The following SLC13A1 variants were observed in gnomAD, a reference collection of about 807,000 sequenced individuals.
The protein encoded by SLC13A1 is Na(+)/sulfate cotransporter.
SLC13A1 carries 65 observed loss-of-function variants against 70.0 expected under a neutral mutation model. The ratio of observed to expected loss-of-function variants is 0.93; its 90% CI spans 0.76 to 1.14. SLC13A1 has a LOEUF of 1.14. Ranked by LOEUF, SLC13A1 falls within the 50% of genes most tolerant of loss-of-function variation. SLC13A1 has a pLI of 0.00. For missense variants in SLC13A1, 726 were observed against 717.8 expected (o/e 1.01, Z -0.13); for synonymous variants, 275 against 250.5 (o/e 1.10, Z -0.92).
chr7:123,134,113 A>T (rs1161457420), intron 8 of SLC13A1, among the ~76,000 whole-genome samples: 1 of 151,952 alleles, frequency 6.6e-6, no homozygotes, highest in East Asian at 1.9e-4. Context: ...TCTTGAACTC[A>T]GAGAGGATTG....
chr7:123,178,869 C>G (rs1795545359), intron 2 of SLC13A1, among the ~76,000 whole-genome samples: 1 of 152,134 alleles, frequency 6.6e-6, no homozygotes. Context: ...GGCTCATTCA[C>G]CTTTACAACA....
intron 8 of SLC13A1, among the ~76,000 whole-genome samples, chr7:123,130,892 G>GT (rs2116322586): frequency 6.6e-6 from 1 of 151,830 alleles, no homozygotes; most frequent in Non-Finnish European, 1.5e-5. Flanking sequence ...CTAATTTTCT[G>GT]TCTTGAAGTC....
chr7:123,122,472 G>C (rs1269939247), intron 12 of SLC13A1, among the ~76,000 whole-genome samples: 1 of 152,052 alleles, frequency 6.6e-6, no homozygotes, highest in Non-Finnish European at 1.5e-5. Flanking sequence ...ACTCTACAAA[G>C]ACCAGGGCAA....
chr7:123,182,904 C>G (rs2116625353), intron 1 of SLC13A1, among the ~76,000 whole-genome samples: 1 of 152,144 alleles, frequency 6.6e-6, no homozygotes, highest in African/African-American at 2.4e-5. Context: ...TTGAAGAATC[C>G]TCATTTTGCA....
intron 12 of SLC13A1, among the ~76,000 whole-genome samples, chr7:123,121,858 TTA>T (rs1285113639): frequency 6.6e-6 from 1 of 152,110 alleles, no homozygotes; most frequent in Non-Finnish European, 1.5e-5. Context: ...TCCAAATTTT[TTA>T]CAGTCCAGTT....
intron 14 of SLC13A1, among the ~76,000 whole-genome samples, chr7:123,116,437 A>G (rs1328965074): frequency 6.6e-6 from 1 of 152,138 alleles, no homozygotes; most frequent in African/African-American, 2.4e-5. Context: ...CAGGGCCTCA[A>G]ATATCATTTG....
intron 6 of SLC13A1, among the ~76,000 whole-genome samples, chr7:123,167,206 A>G (rs1022395534): frequency 5.3e-5 from 8 of 152,232 alleles, no homozygotes; most frequent in Non-Finnish European, 2.9e-5. Flanking sequence ...ATATACCCAA[A>G]GGATTATAAA....
intron 1 of SLC13A1, among the ~76,000 whole-genome samples, chr7:123,193,361 GT>G (rs1325106031): frequency 6.6e-6 from 1 of 151,916 alleles, no homozygotes; most frequent in Non-Finnish European, 1.5e-5. Flanking sequence ...CTTGGGGAAT[GT>G]TTCAGAATAT....
At chr7:123,139,057 C>T in intron 7 of SLC13A1, among the ~76,000 whole-genome samples, 1 of 151,942 alleles carries the variant, frequency 6.6e-6, no homozygotes, top group Non-Finnish European at 1.5e-5. Context: ...GAGGTCTTAG[C>T]TTAAGTGTTT....
intron 6 of SLC13A1, among the ~76,000 whole-genome samples, chr7:123,164,655 G>C (rs1040762662): frequency 6.6e-6 from 1 of 151,206 alleles, no homozygotes; most frequent in Non-Finnish European, 1.5e-5. Flanking sequence ...TTGTTATATA[G>C]GTAAACTCAT....
Position 123,119,255 on chromosome 7 carries a change from T to C in SLC13A1, c.1351-13A>G. The C allele has an allele frequency of 6.4e-7, 1 of 1,556,974 alleles. No homozygotes were observed. Among genetic ancestry groups the C allele is most frequent in the Non-Finnish European group, 8.7e-7 (1 of 1,143,112 alleles). ...ATAATCCAGACTCCTAAAAAACAAA[T>C]TTGCAATATTTGTTACTCATGAATA... is the stretch of plus-strand genomic sequence containing the variant. On this transcript the variant is annotated splice_polypyrimidine_tract_variant and intron_variant, in intron 12 of 14. Transcript: ENST00000194130.
At chr7:123,165,654 C>CAACTCT (rs1795045101) in intron 6 of SLC13A1, among the ~76,000 whole-genome samples, 2 of 152,264 alleles carry the variant, frequency 1.3e-5, no homozygotes, top group South Asian at 4.1e-4. Context: ...TCCATAAAAT[C>CAACTCT]AACTCTAAAC....
chr7:123,194,020 C>T (rs1412501759), intron 1 of SLC13A1, among the ~76,000 whole-genome samples: 1 of 152,162 alleles, frequency 6.6e-6, no homozygotes, highest in African/African-American at 2.4e-5. Flanking sequence ...ATCCTTCACT[C>T]AACACAGTTA....
At position 123,199,842 on chromosome 7, in the gene SLC13A1, A is replaced by T; in HGVS notation, c.99+6T>A. Reference sequence around the variant, plus strand: ...ATCCACCAGTCTGTTCTCCAGGTTCACTCACCTTGGTGTGGAGGACGATGG... The same window carrying T: ...ATCCACCAGTCTGTTCTCCAGGTTCTCTCACCTTGGTGTGGAGGACGATGG... On this transcript the variant is annotated splice_donor_region_variant and intron_variant, in intron 1 of 14. Transcript: ENST00000194130. The T allele has an allele frequency of 6.3e-7, 1 of 1,599,972 alleles. No homozygotes were observed. Among genetic ancestry groups the T allele is most frequent in the Non-Finnish European group, 8.6e-7 (1 of 1,167,984 alleles).
intron 6 of SLC13A1, among the ~76,000 whole-genome samples, chr7:123,151,855 C>A (rs1176760541): frequency 1.3e-5 from 2 of 152,008 alleles, no homozygotes; most frequent in African/African-American, 4.8e-5. Flanking sequence ...CTGAAATATG[C>A]CTGGACTCTG....
At chr7:123,166,753 G>A (rs556161751) in intron 6 of SLC13A1, among the ~76,000 whole-genome samples, 1 of 152,214 alleles carries the variant, frequency 6.6e-6, no homozygotes, top group African/African-American at 2.4e-5. Flanking sequence ...AGTATTCCAT[G>A]GTGTACATGT....
intron 1 of SLC13A1, among the ~76,000 whole-genome samples, chr7:123,194,532 A>T (rs1311265991): frequency 6.6e-6 from 1 of 152,112 alleles, no homozygotes; most frequent in African/African-American, 2.4e-5. Context: ...GATTTTTCAC[A>T]ATTGGACTGA....
chr7:123,186,530 C>G (rs1019042839), intron 1 of SLC13A1, among the ~76,000 whole-genome samples: 2 of 152,082 alleles, frequency 1.3e-5, no homozygotes, highest in African/African-American at 4.8e-5. Flanking sequence ...TTCACCTTAA[C>G]AGACCTCCTA....
rs915390140 is a variant in SLC13A1, at chr7:123,172,636, T to A, written c.229-732A>T. ...ACTTCATCTTAAAAAATAATAATAA[T>A]AAAATTGTAAAACAAATACCCTCAA... On this transcript the variant is annotated intron_variant, in intron 2 of 14. Coordinates refer to ENST00000194130, the MANE Select transcript of SLC13A1 (RefSeq NM_022444.4). Among the ~76,000 whole-genome samples the A allele has an allele frequency of 3.3e-5, 5 of 152,200 alleles. No homozygotes were observed. In the South Asian group the frequency reaches 1.0e-3, roughly 32 times the overall value.
Sources: allele counts gnomAD v4.1 joint callset (sites outside exome capture counted in the v4.1 genomes callset), GRCh38; gene constraint gnomAD v4.1.1; transcripts MANE v1.5; gene names NCBI Gene and HGNC (gene_info 2026-07-23, HGNC 2026-07-21).